ZFHX3: variants seen among roughly 807,000 people sequenced by gnomAD.
ZFHX3 encodes the protein zinc finger homeobox protein 3.
A neutral mutation model predicts 279.1 loss-of-function variants in ZFHX3; 42 were observed. The observed-to-expected ratio is 0.15, with a 90% CI of 0.12 to 0.19. ZFHX3 has a LOEUF of 0.19. ZFHX3 is among the 10% of genes least tolerant of loss of function. ZFHX3 has a pLI of 1.00. For missense variants in ZFHX3, 4,981 were observed against 4,754.0 expected (o/e 1.05, Z -1.40); for synonymous variants, 2,293 against 1,957.8 (o/e 1.17, Z -4.52).
intron 2 of ZFHX3, among the ~76,000 whole-genome samples, chr16:73,490,873 T>A (rs1339877388): frequency 2.0e-5 from 3 of 152,096 alleles, no homozygotes; most frequent in Admixed American, 2.0e-4. Context: ...GCCTCTCCAA[T>A]GAAACTAAGA....
At chr16:73,494,148 T>A (rs1012781969) in intron 2 of ZFHX3, among the ~76,000 whole-genome samples, 1 of 152,170 alleles carries the variant, frequency 6.6e-6, no homozygotes, top group African/African-American at 2.4e-5. Context: ...AAACTTTGTG[T>A]CTGATCAAGT....
chr16:73,441,554 G>C (rs940693655), intron 3 of ZFHX3, among the ~76,000 whole-genome samples: 1 of 152,072 alleles, frequency 6.6e-6, no homozygotes, highest in East Asian at 1.9e-4. Context: ...AATTTAGTTG[G>C]GGTAATAATG....
rs369504587 is a variant in ZFHX3, at chr16:72,959,528, T to C, written c.618A>G (p.Lys206=). 6.2e-7 allele frequency: 1 copy of C among 1,614,206 alleles called. No individual in the cohort carries two copies. Among genetic ancestry groups the C allele is most frequent in the Non-Finnish European group, 8.5e-7 (1 of 1,180,032 alleles). The change falls in exon 2 of 10, where the codon AAA becomes AAG. Residue 206 remains lysine, a synonymous_variant. Coordinates refer to ENST00000268489, the MANE Select transcript of ZFHX3 (RefSeq NM_006885.4). ...NTFHIASSFG[K]WFEGPDQAFP... is the part of the protein sequence containing the mutation. ...AAGCCTGGTCTGGGCCCTCAAACCATTTCCCGAAGGATGAGGCTATGTGGA... is the reference window on the plus strand; with the variant it reads ...AAGCCTGGTCTGGGCCCTCAAACCACTTCCCGAAGGATGAGGCTATGTGGA...
intron 2 of ZFHX3, among the ~76,000 whole-genome samples, chr16:73,460,352 G>T (rs1221624225): frequency 6.6e-6 from 1 of 152,038 alleles, no homozygotes; most frequent in Admixed American, 6.6e-5. Context: ...TCTACAGTTT[G>T]CTTAACCATC....
intron 5 of ZFHX3, among the ~76,000 whole-genome samples, chr16:73,203,670 C>T (rs2011685260): frequency 6.6e-6 from 1 of 152,242 alleles, no homozygotes; most frequent in African/African-American, 2.4e-5. Context: ...TCCATCTAAC[C>T]TGAGCTGGGT....
chr16:72,920,818 T>G (rs1269583521), intron 3 of ZFHX3, among the ~76,000 whole-genome samples: 1 of 151,108 alleles, frequency 6.6e-6, no homozygotes, highest in South Asian at 2.1e-4. Context: ...GCCTGTAATC[T>G]CAGCACTTTT....
chr16:73,712,944 G>A (rs886653471), intron 1 of ZFHX3, among the ~76,000 whole-genome samples: 1 of 152,180 alleles, frequency 6.6e-6, no homozygotes, highest in Non-Finnish European at 1.5e-5. Context: ...GCTGTCTGCT[G>A]ATGGGGGCTC....
intron 5 of ZFHX3, among the ~76,000 whole-genome samples, chr16:73,166,936 C>T (rs1967388161): frequency 1.3e-5 from 2 of 152,270 alleles, no homozygotes; most frequent in South Asian, 4.1e-4. Flanking sequence ...TCATTGACAA[C>T]ACAACACGAC....
chr16:73,660,025 G>C (rs1207127267), intron 2 of ZFHX3, among the ~76,000 whole-genome samples: 2 of 152,136 alleles, frequency 1.3e-5, no homozygotes, highest in Non-Finnish European at 2.9e-5. Context: ...TAGCACTTTA[G>C]GTGACAATGA....
intron 1 of ZFHX3, among the ~76,000 whole-genome samples, chr16:73,756,498 G>C (rs995006146): frequency 6.6e-6 from 1 of 152,108 alleles, no homozygotes; most frequent in African/African-American, 2.4e-5. Flanking sequence ...GGCAATAATA[G>C]GGTGTGTACA....
intron 2 of ZFHX3, among the ~76,000 whole-genome samples, chr16:73,566,688 C>CTTT (rs35009584): frequency 5.8e-5 from 7 of 119,994 alleles, no homozygotes; most frequent in African/African-American, 1.0e-4. Flanking sequence ...ACCAAGCTAA[C>CTTT]TTTTTTTTTT....
intron 7 of ZFHX3, among the ~76,000 whole-genome samples, chr16:73,117,298 A>G (rs1170406242): frequency 6.6e-6 from 1 of 152,158 alleles, no homozygotes; most frequent in Non-Finnish European, 1.5e-5. Flanking sequence ...ATACTGTTGT[A>G]TAATAAAACT....
rs777431232 is a variant in ZFHX3 at position 72,958,740 on chromosome 16, TCCTCCTCTTCCTCCTCCG to T, written c.1388_1405del (p.Ala463_Glu468del). The T allele has an allele frequency of 1.2e-6, 2 of 1,612,132 alleles. No homozygotes were observed. The highest frequency in any genetic ancestry group is 1.7e-5 in the Admixed American group (1 of 59,838). ...TTCCTCCTCCTCCTCCGCCTCTTCC[TCCTCCTCTTCCTCCTCCG>T]CCTCCTCTTCGGCTGGCTCTACCTT... On this transcript the variant is annotated inframe_deletion, in exon 2 of 10. Transcript: ENST00000268489.
chr16:72,796,435 C>G lies in ZFHX3; in HGVS notation c.6247G>C (p.Val2083Leu). 6.2e-7 allele frequency: 1 copy of G among 1,610,444 alleles called. No homozygotes were observed. Among genetic ancestry groups the G allele is most frequent in the East Asian group, 2.2e-5 (1 of 44,784 alleles). The change falls in exon 9 of 10, where the codon GTG (valine) becomes CTG (leucine). Residue 2083 changes from valine to leucine, a missense_variant. Val to Leu is a conservative substitution (Grantham distance 32). Coordinates refer to ENST00000268489, the MANE Select transcript of ZFHX3 (RefSeq NM_006885.4). ...SPTIAPAQPS[V>L]PLTQLSMPME... Reference sequence around the variant, plus strand: ...GGCATGGAGAGCTGGGTGAGCGGCACTGATGGCTGGGCCGGTGCAATTGTA... The same window carrying G: ...GGCATGGAGAGCTGGGTGAGCGGCAGTGATGGCTGGGCCGGTGCAATTGTA...
chr16:73,454,179 T>A (rs1299214618), intron 3 of ZFHX3, among the ~76,000 whole-genome samples: 1 of 152,170 alleles, frequency 6.6e-6, no homozygotes, highest in Non-Finnish European at 1.5e-5. Context: ...CACCATTGTG[T>A]TTTGGGATGG....
intron 2 of ZFHX3, among the ~76,000 whole-genome samples, chr16:73,528,530 C>T (rs2019734702): frequency 6.6e-6 from 1 of 152,096 alleles, no homozygotes; most frequent in Non-Finnish European, 1.5e-5. Context: ...AATGCGTGGA[C>T]ACTAATTACT....
intron 5 of ZFHX3, among the ~76,000 whole-genome samples, chr16:73,161,068 G>GCTCAAGCGATTCTCCTGC (rs2144856285): frequency 6.6e-6 from 1 of 152,222 alleles, no homozygotes; most frequent in Non-Finnish European, 1.5e-5. Flanking sequence ...CATATCCCAG[G>GCTCAAGCGATTCTCCTGC]CTCAAGCGAT....
At chr16:73,448,932 C>A (rs2018238296) in intron 3 of ZFHX3, among the ~76,000 whole-genome samples, 1 of 152,090 alleles carries the variant, frequency 6.6e-6, no homozygotes, top group South Asian at 2.1e-4. Context: ...ACAGTCTTTT[C>A]CATAACATCC....
intron 2 of ZFHX3, among the ~76,000 whole-genome samples, chr16:73,558,709 CT>C (rs989644068): frequency 0.042 from 3,782 of 90,520 alleles, 113 homozygotes; most frequent in African/African-American, 0.15. Context: ...GAAAATGACT[CT>C]TTTTTTTTTT....
Sources: allele counts gnomAD v4.1 joint callset (sites outside exome capture counted in the v4.1 genomes callset), GRCh38; gene constraint gnomAD v4.1.1; transcripts MANE v1.5; gene names NCBI Gene and HGNC (gene_info 2026-07-23, HGNC 2026-07-21).